SUMF1: variants seen among roughly 807,000 people sequenced by gnomAD.
SUMF1 encodes formylglycine-generating enzyme.
In SUMF1, 48 loss-of-function variants were observed where a neutral mutation model predicts 47.6. That is an observed-to-expected ratio of 1.01 (90% CI 0.80 to 1.28). The LOEUF is 1.28. Ranked by LOEUF, SUMF1 falls within the 50% of genes most tolerant of loss-of-function variation. The pLI, the probability that SUMF1 is intolerant of heterozygous loss-of-function variation, is 0.00. For synonymous variants in SUMF1, 230 were observed against 192.1 expected, an observed-to-expected ratio of 1.20 and a Z score of -1.63; for missense variants, 571 against 485.4, an observed-to-expected ratio of 1.18 and a Z score of -1.66.
intron 3 of SUMF1, among the ~76,000 whole-genome samples, chr3:4,439,945 C>CTG (rs899419866): frequency 6.6e-6 from 1 of 151,974 alleles, no homozygotes; most frequent in African/African-American, 2.4e-5. Flanking sequence ...CAAAATGATG[C>CTG]TGAGCAGGCT....
At chr3:4,349,647 T>C (rs308707) in intron 8 of SUMF1, among the ~76,000 whole-genome samples, 77,778 of 152,096 alleles carry the variant, frequency 0.51, 23,160 homozygotes, top group African/African-American at 0.84. Flanking sequence ...TGGAATACTA[T>C]GCAGTCATAA....
chr3:4,321,640 G>A (rs1698836688), intron 8 of SUMF1, among the ~76,000 whole-genome samples: 1 of 152,010 alleles, frequency 6.6e-6, no homozygotes, highest in Non-Finnish European at 1.5e-5. Flanking sequence ...AAAAATCTGA[G>A]TCCATACTGA....
chr3:4,322,476 A>G (rs1399717029), intron 8 of SUMF1, among the ~76,000 whole-genome samples: 2 of 152,024 alleles, frequency 1.3e-5, no homozygotes, highest in African/African-American at 4.8e-5. Context: ...CTATTCCATG[A>G]AAGTCTACGG....
chr3:4,334,792 C>T (rs551880715), intron 8 of SUMF1, among the ~76,000 whole-genome samples: 7 of 152,288 alleles, frequency 4.6e-5, no homozygotes, highest in East Asian at 1.9e-4. Context: ...GATTAGGAAA[C>T]GAACTCAAGC....
intron 8 of SUMF1, among the ~76,000 whole-genome samples, chr3:4,297,943 G>T (rs1363046510): frequency 2.0e-5 from 3 of 152,124 alleles, no homozygotes; most frequent in East Asian, 3.9e-4. Flanking sequence ...GACCACTTTT[G>T]TTAATAAATG....
At chr3:4,214,826 C>T (rs1695882424) in intron 8 of SUMF1, among the ~76,000 whole-genome samples, 2 of 152,004 alleles carry the variant, frequency 1.3e-5, no homozygotes, top group African/African-American at 4.8e-5. Context: ...GACACATACA[C>T]CCTCCCAACC....
At chr3:4,166,243 T>C (rs1031738952) in intron 8 of SUMF1, among the ~76,000 whole-genome samples, 1 of 152,102 alleles carries the variant, frequency 6.6e-6, no homozygotes, top group African/African-American at 2.4e-5. Context: ...ACCTTTCTCC[T>C]ATAAGATGAT....
rs535343557 is a variant in SUMF1, at chr3:4,160,326, G to A, written c.1015-91581C>T. On this transcript the variant is annotated intron_variant and NMD_transcript_variant, in intron 8 of 12. Coordinates refer to the SUMF1 transcript ENST00000448413. ...ACAATCTTGACTCATTGCAATCTCC[G>A]CCTCCCAGGTTCAAGCAATTCTCCT... 7.9e-5 allele frequency among the ~76,000 whole-genome samples: 12 copies of A among 151,848 alleles called. No homozygotes were observed. The South Asian group carries it at 1.3e-3, about 16-fold the overall frequency.
At chr3:4,172,110 G>A (rs1233881498) in intron 8 of SUMF1, among the ~76,000 whole-genome samples, 4 of 152,188 alleles carry the variant, frequency 2.6e-5, no homozygotes, top group Middle Eastern at 3.2e-3. Context: ...GCCAATGCAA[G>A]TAGGGGGATG....
chr3:4,347,953 A>T (rs1168147247), intron 8 of SUMF1, among the ~76,000 whole-genome samples: 1 of 152,184 alleles, frequency 6.6e-6, no homozygotes, highest in Non-Finnish European at 1.5e-5. Context: ...AGAGATTAAA[A>T]TACCTAGGAA....
chr3:4,133,526 G>T lies in SUMF1; in HGVS notation c.1015-64781C>A, dbSNP rs1693842832. ...AGGAGATTAACATTTGAGTCAGTGTGCTGCAAAAGGCAGACCCACCCTTAA... is the reference window on the plus strand; with the variant it reads ...AGGAGATTAACATTTGAGTCAGTGTTCTGCAAAAGGCAGACCCACCCTTAA... On this transcript the variant is annotated intron_variant and NMD_transcript_variant, in intron 8 of 12. Coordinates refer to the SUMF1 transcript ENST00000448413. Among the ~76,000 whole-genome samples, 3 of 152,078 alleles carry T rather than the reference G, an allele frequency of 2.0e-5. No homozygotes were observed. In the South Asian group the frequency reaches 6.2e-4, roughly 32 times the overall value.
At chr3:4,199,640 TTCTG>T (rs1251114794) in intron 8 of SUMF1, among the ~76,000 whole-genome samples, 1 of 152,174 alleles carries the variant, frequency 6.6e-6, no homozygotes, top group Non-Finnish European at 1.5e-5. Context: ...ACACATAGCA[TTCTG>T]TCTTTCTTAT....
chr3:4,214,153 T>A (rs1341599837), intron 8 of SUMF1, among the ~76,000 whole-genome samples: 1 of 152,086 alleles, frequency 6.6e-6, no homozygotes. Context: ...GACCACATAA[T>A]TGGAAGGAAA....
intron 8 of SUMF1, among the ~76,000 whole-genome samples, chr3:4,088,000 A>G (rs184313616): frequency 2.6e-5 from 4 of 152,218 alleles, no homozygotes; most frequent in Non-Finnish European, 5.9e-5. Flanking sequence ...ATTTGATTCT[A>G]AGAAGGTGTA....
At chr3:4,349,795 C>A (rs1402229978) in intron 8 of SUMF1, among the ~76,000 whole-genome samples, 1 of 151,968 alleles carries the variant, frequency 6.6e-6, no homozygotes, top group Non-Finnish European at 1.5e-5. Context: ...GAGAACACAT[C>A]CACACAGAGA....
At chr3:4,072,807 C>A (rs1692304167) in intron 8 of SUMF1, among the ~76,000 whole-genome samples, 1 of 152,092 alleles carries the variant, frequency 6.6e-6, no homozygotes, top group Non-Finnish European at 1.5e-5. Context: ...GAGAAATGAA[C>A]AAAGCCTCCA....
At chr3:4,152,842 A>G (rs1324898254) in intron 8 of SUMF1, among the ~76,000 whole-genome samples, 2 of 151,496 alleles carry the variant, frequency 1.3e-5, no homozygotes, top group African/African-American at 4.9e-5. Context: ...ATTGAGTAAT[A>G]TCATTGTTAC....
intron 8 of SUMF1, among the ~76,000 whole-genome samples, chr3:4,282,228 T>C (rs368518351): frequency 5.3e-4 from 81 of 152,234 alleles, no homozygotes; most frequent in Middle Eastern, 3.4e-3. Flanking sequence ...ATAAAATCAA[T>C]GTACTTATCC....
intron 8 of SUMF1, among the ~76,000 whole-genome samples, chr3:4,071,149 C>T (rs1695511453): frequency 6.6e-6 from 1 of 152,094 alleles, no homozygotes; most frequent in African/African-American, 2.4e-5. Flanking sequence ...AAACTACATA[C>T]TTGCATTTAA....
Sources: gnomAD v4.1 joint callset for allele counts (sites outside exome capture counted in the v4.1 genomes callset) on GRCh38, gnomAD v4.1.1 for gene constraint, MANE v1.5 for transcripts, NCBI Gene and HGNC (gene_info 2026-07-23, HGNC 2026-07-21) for gene names.